The following SUGCT variants were observed in gnomAD, a reference collection of about 807,000 sequenced individuals.
SUGCT encodes the protein succinyl-CoA:glutarate-CoA transferase.
Under a neutral mutation model 55.0 loss-of-function variants are expected in SUGCT, and 41 were observed. That is an observed-to-expected ratio of 0.74 (90% CI 0.58 to 0.97). SUGCT has a LOEUF of 0.97. SUGCT is among the 50% of genes least tolerant of loss of function. The pLI, the probability that SUGCT is intolerant of heterozygous loss-of-function variation, is 0.00. For synonymous variants in SUGCT, 187 were observed against 200.4 expected, an observed-to-expected ratio of 0.93 and a Z score of 0.56; for missense variants, 568 against 547.8, an observed-to-expected ratio of 1.04 and a Z score of -0.37.
At chr7:40,637,586 T>C (rs909797349) in intron 12 of SUGCT, among the ~76,000 whole-genome samples, 3 of 152,214 alleles carry the variant, frequency 2.0e-5, no homozygotes, top group Non-Finnish European at 4.4e-5. Flanking sequence ...CATGGCTCTC[T>C]AGACTGAGAA....
intron 12 of SUGCT, among the ~76,000 whole-genome samples, chr7:40,656,236 C>T: frequency 6.9e-6 from 1 of 145,258 alleles, no homozygotes; most frequent in East Asian, 2.0e-4. Flanking sequence ...ATCATAGCAT[C>T]TTTTTTTTTT....
the SUGCT span, among the ~76,000 whole-genome samples, chr7:40,982,438 A>G: frequency 1.3e-5 from 2 of 152,174 alleles, no homozygotes; most frequent in South Asian, 4.1e-4. Flanking sequence ...GTAAAGTACT[A>G]GGTGAGTGGG....
the SUGCT span, among the ~76,000 whole-genome samples, chr7:41,013,851 A>T: frequency 6.6e-6 from 1 of 151,980 alleles, no homozygotes; most frequent in Non-Finnish European, 1.5e-5. Flanking sequence ...CAGGTCCAAC[A>T]TGCAGATAAC....
At chr7:40,773,904 TC>T (rs1360702403) in intron 13 of SUGCT, among the ~76,000 whole-genome samples, 1 of 152,146 alleles carries the variant, frequency 6.6e-6, no homozygotes, top group African/African-American at 2.4e-5. Flanking sequence ...CTAGGTTAAC[TC>T]TTAAAACACT....
At chr7:40,448,136 G>GAGATTTAATTTT (rs1562784675) in intron 9 of SUGCT, among the ~76,000 whole-genome samples, 7 of 151,990 alleles carry the variant, frequency 4.6e-5, no homozygotes, top group African/African-American at 1.7e-4. Flanking sequence ...TAAAATTAAA[G>GAGATTTAATTTT]AGTGCCCAAA....
At chr7:40,615,047 C>T (rs754873669) in intron 12 of SUGCT, among the ~76,000 whole-genome samples, 1 of 147,466 alleles carries the variant, frequency 6.8e-6, no homozygotes, top group Non-Finnish European at 1.5e-5. Flanking sequence ...CAAACCAAAA[C>T]TCCATCTCAA....
intron 9 of SUGCT, among the ~76,000 whole-genome samples, chr7:40,384,068 C>T (rs929894425): frequency 1.3e-5 from 2 of 151,998 alleles, no homozygotes; most frequent in African/African-American, 2.4e-5. Flanking sequence ...TTAATTATCC[C>T]GCAGCAGAGG....
the SUGCT span, among the ~76,000 whole-genome samples, chr7:41,013,454 T>C: frequency 6.6e-6 from 1 of 152,196 alleles, no homozygotes; most frequent in Non-Finnish European, 1.5e-5. Flanking sequence ...GTTGGAGTCA[T>C]TGACAGCCAG....
intron 9 of SUGCT, among the ~76,000 whole-genome samples, chr7:40,395,116 C>A (rs193243484): frequency 1.3e-5 from 2 of 152,258 alleles, no homozygotes; most frequent in Non-Finnish European, 2.9e-5. Flanking sequence ...GCACAGGGTG[C>A]AGTTTGCTCT....
chr7:40,535,156 AT>A (rs1158802330), intron 12 of SUGCT, among the ~76,000 whole-genome samples: 1 of 151,868 alleles, frequency 6.6e-6, no homozygotes. Flanking sequence ...CTTATTTTTA[AT>A]TTTTTTTCCT....
the SUGCT span, among the ~76,000 whole-genome samples, chr7:40,899,993 C>T: frequency 6.6e-6 from 1 of 152,110 alleles, no homozygotes; most frequent in Admixed American, 6.5e-5. Flanking sequence ...GTGGGTGGGC[C>T]CTGGCCCTCT....
intron 3 of SUGCT, among the ~76,000 whole-genome samples, chr7:40,185,131 G>A (rs1785427675): frequency 2.6e-5 from 4 of 152,258 alleles, no homozygotes; most frequent in Admixed American, 2.0e-4. Flanking sequence ...GATGTTCATC[G>A]CTTTTAGTCA....
At chr7:41,013,255 A>C in the SUGCT span, among the ~76,000 whole-genome samples, 70 of 152,286 alleles carry the variant, frequency 4.6e-4, no homozygotes, top group African/African-American at 1.6e-3. Flanking sequence ...ATAGATCTGG[A>C]TGGCTTGGTA....
At chr7:40,394,263 G>A (rs1785599935) in intron 9 of SUGCT, among the ~76,000 whole-genome samples, 1 of 152,030 alleles carries the variant, frequency 6.6e-6, no homozygotes, top group Admixed American at 6.5e-5. Flanking sequence ...TGACTATGTA[G>A]CCATGATTAA....
chr7:40,821,862 G>C (rs1388100063), intron 13 of SUGCT, among the ~76,000 whole-genome samples: 2 of 152,116 alleles, frequency 1.3e-5, no homozygotes, highest in African/African-American at 4.8e-5. Context: ...ATGTTAGGGT[G>C]TCAATTTTAG....
intron 12 of SUGCT, among the ~76,000 whole-genome samples, chr7:40,503,083 A>G (rs565971400): frequency 6.6e-5 from 10 of 152,248 alleles, no homozygotes; most frequent in Admixed American, 2.0e-4. Context: ...CATACAAATA[A>G]TGTCAGATTT....
intron 8 of SUGCT, among the ~76,000 whole-genome samples, chr7:40,302,478 G>T (rs899040185): frequency 1.3e-5 from 2 of 152,188 alleles, no homozygotes; most frequent in African/African-American, 4.8e-5. Flanking sequence ...TATGTCTGTT[G>T]TCTGGTAATG....
the SUGCT span, among the ~76,000 whole-genome samples, chr7:41,024,684 C>T: frequency 6.8e-6 from 1 of 147,022 alleles, no homozygotes; most frequent in African/African-American, 2.6e-5. Flanking sequence ...AAAAGGATGC[C>T]TCGTTATAAC....
chr7:40,566,536 A>G (rs1335813134), intron 12 of SUGCT, among the ~76,000 whole-genome samples: 3 of 152,234 alleles, frequency 2.0e-5, no homozygotes, highest in Non-Finnish European at 4.4e-5. Flanking sequence ...AGAGCTAAAA[A>G]AAGAAAGCTT....
Sources: allele counts gnomAD v4.1 joint callset (sites outside exome capture counted in the v4.1 genomes callset), GRCh38; gene constraint gnomAD v4.1.1; transcripts MANE v1.5; gene names NCBI Gene and HGNC (gene_info 2026-07-23, HGNC 2026-07-21).